The following CDK14 variants were observed in gnomAD, a reference collection of about 807,000 sequenced individuals.
The protein encoded by CDK14 is cyclin dependent kinase 14.
In CDK14, 34 loss-of-function variants were observed where a neutral mutation model predicts 60.7. The ratio of observed to expected loss-of-function variants is 0.56; its 90% confidence interval spans 0.43 to 0.75. CDK14 has a LOEUF of 0.75. Among genes scored for constraint, CDK14 ranks in the 30% least tolerant of loss-of-function variants. The pLI, the probability that CDK14 is intolerant of heterozygous loss-of-function variation, is 0.00. For synonymous variants in CDK14, 197 were observed against 203.7 expected (o/e 0.97, Z 0.28); for missense variants, 482 against 564.1 (o/e 0.85, Z 1.47).
intron 5 of CDK14, among the ~76,000 whole-genome samples, chr7:90,801,857 T>G (rs1342287441): frequency 1.3e-5 from 2 of 152,204 alleles, no homozygotes; most frequent in Non-Finnish European, 2.9e-5. Flanking sequence ...TGAAATTATT[T>G]TGTCAATATC....
At chr7:90,615,008 A>G (rs1003415271) in intron 2 of CDK14, among the ~76,000 whole-genome samples, 1 of 152,210 alleles carries the variant, frequency 6.6e-6, no homozygotes, top group East Asian at 1.9e-4. Flanking sequence ...GGCATGTCTT[A>G]TAGTGCAACA....
intron 14 of CDK14, among the ~76,000 whole-genome samples, chr7:91,194,046 A>G (rs2115955637): frequency 6.6e-6 from 1 of 152,316 alleles, no homozygotes; most frequent in South Asian, 2.1e-4. Context: ...AGTCCTATCC[A>G]TACCACATCC....
intron 14 of CDK14, among the ~76,000 whole-genome samples, chr7:91,150,716 A>G (rs1345981515): frequency 6.6e-6 from 1 of 152,226 alleles, no homozygotes; most frequent in Non-Finnish European, 1.5e-5. Flanking sequence ...ATTTTCAAGC[A>G]TGTTAGAATT....
chr7:90,720,438 ATGGCC>A (rs1802407677), intron 2 of CDK14, among the ~76,000 whole-genome samples: 1 of 152,198 alleles, frequency 6.6e-6, no homozygotes, highest in Non-Finnish European at 1.5e-5. Context: ...TTCACAGCTC[ATGGCC>A]TTTGTATTTG....
chr7:91,056,095 G>C (rs1307006536), intron 11 of CDK14, among the ~76,000 whole-genome samples: 1 of 152,194 alleles, frequency 6.6e-6, no homozygotes, highest in Non-Finnish European at 1.5e-5. Flanking sequence ...GAAGGGAGAT[G>C]AGGGGATTGG....
At chr7:90,966,397 T>A (rs911197903) in intron 9 of CDK14, among the ~76,000 whole-genome samples, 2 of 152,178 alleles carry the variant, frequency 1.3e-5, no homozygotes, top group Non-Finnish European at 2.9e-5. Flanking sequence ...TCATTGTATA[T>A]TGTTCATGCA....
At chr7:91,029,822 T>C (rs914538191) in intron 10 of CDK14, among the ~76,000 whole-genome samples, 9 of 150,368 alleles carry the variant, frequency 6.0e-5, no homozygotes, top group African/African-American at 2.2e-4. Context: ...AAAAAGTCTT[T>C]AGAGTTTTCA....
chr7:90,598,704 ATTTTTT>A (rs796093975), intron 1 of CDK14, among the ~76,000 whole-genome samples: 1 of 87,890 alleles, frequency 1.1e-5, no homozygotes, highest in Non-Finnish European at 2.3e-5. Flanking sequence ...TTATCTAAGG[ATTTTTT>A]TTTTTTTTTT....
chr7:91,104,267 C>T (rs1283588712), intron 12 of CDK14, among the ~76,000 whole-genome samples: 3 of 152,034 alleles, frequency 2.0e-5, no homozygotes, highest in African/African-American at 7.2e-5. Context: ...CACTCAGTGA[C>T]CTGCGATAGA....
At chr7:90,857,733 A>T (rs1790871724) in intron 5 of CDK14, among the ~76,000 whole-genome samples, 1 of 152,182 alleles carries the variant, frequency 6.6e-6, no homozygotes, top group South Asian at 2.1e-4. Context: ...CTGGCTCTAG[A>T]ACTTGTAGGT....
intron 14 of CDK14, among the ~76,000 whole-genome samples, chr7:91,123,929 TG>T (rs569130103): frequency 3.9e-5 from 6 of 152,156 alleles, no homozygotes; most frequent in South Asian, 4.1e-4. Flanking sequence ...TTTTGTTATT[TG>T]TTTTTTTTAA....
intron 2 of CDK14, among the ~76,000 whole-genome samples, chr7:90,610,363 C>T (rs775155147): frequency 6.6e-6 from 1 of 152,208 alleles, no homozygotes; most frequent in Non-Finnish European, 1.5e-5. Flanking sequence ...TTAGCTGGAA[C>T]GTCAGGCAAC....
At chr7:91,175,182 C>T (rs1376983532) in intron 14 of CDK14, among the ~76,000 whole-genome samples, 2 of 151,424 alleles carry the variant, frequency 1.3e-5, no homozygotes, top group East Asian at 1.9e-4. Flanking sequence ...AATTTTCAAC[C>T]CAGAATTTCA....
chr7:91,113,605 A>G (rs1799532048), intron 13 of CDK14, among the ~76,000 whole-genome samples: 1 of 152,210 alleles, frequency 6.6e-6, no homozygotes, highest in South Asian at 2.1e-4. Context: ...CTTAAAAATG[A>G]ACATACTGCA....
At chr7:90,833,011 A>G (rs1238748208) in intron 5 of CDK14, among the ~76,000 whole-genome samples, 1 of 152,190 alleles carries the variant, frequency 6.6e-6, no homozygotes, top group African/African-American at 2.4e-5. Context: ...CCATCATGTC[A>G]GCACTTAGCT....
intron 10 of CDK14, among the ~76,000 whole-genome samples, chr7:91,013,609 T>G (rs993004134): frequency 6.6e-6 from 1 of 152,018 alleles, no homozygotes; most frequent in Non-Finnish European, 1.5e-5. Context: ...ATTACCAGTG[T>G]TTTTAAGGAA....
intron 6 of CDK14, among the ~76,000 whole-genome samples, chr7:90,879,779 T>TAAA (rs61468348): frequency 0.017 from 2,438 of 143,820 alleles, 83 homozygotes; most frequent in African/African-American, 0.059. Context: ...GCTGCTATTG[T>TAAA]AAAAAAAAAA....
At chr7:90,987,037 C>A (rs1021002507) in intron 10 of CDK14, among the ~76,000 whole-genome samples, 43 of 151,168 alleles carry the variant, frequency 2.8e-4, no homozygotes, top group Admixed American at 6.6e-4. Flanking sequence ...TATTATACAG[C>A]AACAGAACAA....
intron 10 of CDK14, among the ~76,000 whole-genome samples, chr7:90,990,755 A>G (rs1302618824): frequency 2.0e-5 from 3 of 152,224 alleles, no homozygotes; most frequent in East Asian, 1.9e-4. Flanking sequence ...TATTTTAATT[A>G]TACTATAATA....
Sources: allele counts gnomAD v4.1 joint callset (sites outside exome capture counted in the v4.1 genomes callset), GRCh38; gene constraint gnomAD v4.1.1; transcripts MANE v1.5; gene names NCBI Gene and HGNC (gene_info 2026-07-23, HGNC 2026-07-21).